The following CORO2A variants were observed in gnomAD, a reference collection of about 807,000 sequenced individuals.
CORO2A encodes the protein coronin 2A.
Under a neutral mutation model 62.4 loss-of-function variants are expected in CORO2A, and 47 were observed. The observed-to-expected ratio is 0.75, with a 90% confidence interval of 0.60 to 0.96. The LOEUF (loss-of-function observed/expected upper bound fraction) is 0.96. CORO2A is among the 40% of genes least tolerant of loss of function. CORO2A has a pLI of 0.00. For synonymous variants in CORO2A, 273 were observed against 268.9 expected (o/e 1.02, Z -0.15); for missense variants, 610 against 684.1 (o/e 0.89, Z 1.21).
intron 2 of CORO2A, among the ~76,000 whole-genome samples, chr9:98,150,308 G>A (rs1054440668): frequency 3.3e-5 from 5 of 151,948 alleles, no homozygotes; most frequent in Non-Finnish European, 7.4e-5. Flanking sequence ...GGCTTACGAC[G>A]CCTTCACAGT....
At chr9:98,150,467 T>G (rs1204243816) in intron 2 of CORO2A, among the ~76,000 whole-genome samples, 7 of 152,158 alleles carry the variant, frequency 4.6e-5, no homozygotes, top group African/African-American at 1.7e-4. Context: ...GCCAGCATAC[T>G]CTCCCTTTAG....
rs1554746148 is a variant in CORO2A, at chr9:98,163,768, G to GAGAGAGAA, written c.1-6116_1-6109dup. Among the ~76,000 whole-genome samples the GAGAGAGAA allele has an allele frequency of 8.9e-4, 131 of 147,044 alleles. 1 individual carries two copies. Among genetic ancestry groups the GAGAGAGAA allele is most frequent in the Middle Eastern group, 3.4e-3 (1 of 292 alleles). On this transcript the variant is annotated intron_variant, in intron 1 of 11. Coordinates refer to ENST00000375077, the MANE Select transcript of CORO2A (RefSeq NM_052820.4). ...AGAGAGAGAGAGAGAGAGAGAGAGA[G>GAGAGAGAA]AGAGAGAAAGAGACAGAGAGAGTTT...
chr9:98,145,497 C>T (rs1044557122), intron 2 of CORO2A, among the ~76,000 whole-genome samples: 5 of 152,156 alleles, frequency 3.3e-5, no homozygotes, highest in African/African-American at 1.2e-4. Flanking sequence ...CTAGCCCATA[C>T]CCTGCCTTTC....
Position 98,155,317 on chromosome 9 carries a change from C to A in CORO2A, c.201+2143G>T, listed in dbSNP as rs114589766. On this transcript the variant is annotated intron_variant, in intron 2 of 11. Coordinates refer to ENST00000375077, the MANE Select transcript of CORO2A (RefSeq NM_052820.4). The stretch of plus-strand genomic sequence containing the variant: ...AGCTCGCCTTTCCTTTTGCTATTTT[C>A]TTTAAGGGAAATTTTTATTGCTCAA... 9.1e-3 allele frequency among the ~76,000 whole-genome samples: 1,260 copies of A among 138,996 alleles called. 16 individuals carry two copies. Among genetic ancestry groups the A allele is most frequent in the African/African-American group, 0.03 (1,147 of 37,714 alleles). 91.2% of individuals were successfully genotyped at this position (138,996 alleles called of 152,430 possible).
At position 98,121,064 on chromosome 9, in the gene CORO2A, CATT is replaced by C. The variant is rs954760206; in HGVS notation, c.*3707_*3709del. On this transcript the variant is annotated 3_prime_UTR_variant, in exon 12 of 12. Coordinates refer to ENST00000375077, the MANE Select transcript of CORO2A (RefSeq NM_052820.4). ...ATTTATTTTCACTTTTATTTATTAT[CATT>C]ATTTTTCACAAAGGTACAAGGAATT... 7.2e-5 allele frequency: 11 copies of C among 152,138 alleles called. No homozygotes were observed. Among genetic ancestry groups the C allele is most frequent in the African/African-American group, 2.4e-4 (10 of 41,430 alleles). The allele number at this position is 152,138 out of a possible 1,614,324, so 9.4% of individuals were successfully genotyped here.
At chr9:98,129,693 G>A (rs965730183) in intron 8 of CORO2A, 101 bp downstream of exon 8, 16 of 859,504 alleles carry the variant, frequency 1.9e-5, no homozygotes, top group Admixed American at 7.0e-5. Flanking sequence ...ACTCATCCCT[G>A]TCTCCCCAGA....
intron 2 of CORO2A, among the ~76,000 whole-genome samples, chr9:98,151,433 C>T (rs892778821): frequency 2.0e-5 from 3 of 152,102 alleles, no homozygotes; most frequent in Admixed American, 2.0e-4. Flanking sequence ...GGTATCCAAT[C>T]TTCTTTTATT....
At chr9:98,143,410 G>C (rs1373511116) in intron 2 of CORO2A, among the ~76,000 whole-genome samples, 1 of 152,206 alleles carries the variant, frequency 6.6e-6, no homozygotes, top group African/African-American at 2.4e-5. Flanking sequence ...TCAGGGTGGA[G>C]ACTGGGAGGC....
chr9:98,177,467 T>TTG (rs1554747640), intron 1 of CORO2A, among the ~76,000 whole-genome samples: 2 of 136,452 alleles, frequency 1.5e-5, no homozygotes, highest in African/African-American at 6.0e-5. Context: ...GTTTTTTTTT[T>TTG]TTTTTTTTTT....
In CORO2A at chr9:98,159,090, C is replaced by G. The variant is rs369308454; in HGVS notation, c.1-1430G>C. Reference sequence around the variant, plus strand: ...TATTATTATTTTTGAGGAAGGATCTCGCTCTGTCACCCAGGCTGGAGTGCA... The same window carrying G: ...TATTATTATTTTTGAGGAAGGATCTGGCTCTGTCACCCAGGCTGGAGTGCA... On this transcript the variant is annotated intron_variant, in intron 1 of 11. Coordinates refer to ENST00000375077, the MANE Select transcript of CORO2A (RefSeq NM_052820.4). Among the ~76,000 whole-genome samples, 31 of 147,032 alleles carry G rather than the reference C, an allele frequency of 2.1e-4. No individual in the cohort carries two copies. The South Asian group carries it at 6.5e-3, about 31-fold the overall frequency.
intron 2 of CORO2A, among the ~76,000 whole-genome samples, chr9:98,148,646 C>G (rs7848016): frequency 6.6e-6 from 1 of 151,836 alleles, no homozygotes; most frequent in African/African-American, 2.4e-5. Context: ...CAGGAGGCTG[C>G]CGTAAGAGGA....
chr9:98,139,814 G>C (rs758991094), intron 2 of CORO2A, among the ~76,000 whole-genome samples: 1 of 152,090 alleles, frequency 6.6e-6, no homozygotes, highest in South Asian at 2.1e-4. Flanking sequence ...AACAAAACAC[G>C]GTGAATTTTC....
At chr9:98,126,472 C>T (rs903117228) in intron 11 of CORO2A, 77 bp downstream of exon 11, 37 of 1,531,498 alleles carry the variant, frequency 2.4e-5, no homozygotes, top group Non-Finnish European at 2.9e-5. Flanking sequence ...TCATTTTCTC[C>T]CTTCTTCTCA....
chr9:98,156,294 C>G (rs1827802089), intron 2 of CORO2A, among the ~76,000 whole-genome samples: 1 of 152,154 alleles, frequency 6.6e-6, no homozygotes, highest in Non-Finnish European at 1.5e-5. Context: ...CTGGCCTTGG[C>G]CTTCCAAAGT....
chr9:98,131,703 G>A (rs1827411641), intron 6 of CORO2A, among the ~76,000 whole-genome samples: 1 of 152,066 alleles, frequency 6.6e-6, no homozygotes, highest in Non-Finnish European at 1.5e-5. Flanking sequence ...GATGAAGAAG[G>A]AGACTCAGAG....
At chr9:98,154,352 T>TATATATATATATATATATAGATAC (rs71369555) in intron 2 of CORO2A, among the ~76,000 whole-genome samples, 1 of 94,060 alleles carries the variant, frequency 1.1e-5, no homozygotes, top group African/African-American at 3.7e-5. Context: ...TATATATATA[T>TATATATATATATATATATAGATAC]ACACAAATAC....
chr9:98,161,816 C>A (rs1464633343), intron 1 of CORO2A, among the ~76,000 whole-genome samples: 6 of 152,066 alleles, frequency 3.9e-5, no homozygotes, highest in African/African-American at 1.4e-4. Context: ...TCGACATGAG[C>A]TTACATTAAC....
chr9:98,170,978 T>C (rs1828026565), intron 1 of CORO2A, among the ~76,000 whole-genome samples: 1 of 152,212 alleles, frequency 6.6e-6, no homozygotes, highest in Non-Finnish European at 1.5e-5. Flanking sequence ...CTGGACCTTC[T>C]GGAGACAGAG....
chr9:98,175,008 G>A (rs1828090174), intron 1 of CORO2A, among the ~76,000 whole-genome samples: 1 of 152,054 alleles, frequency 6.6e-6, no homozygotes, highest in Non-Finnish European at 1.5e-5. Context: ...CAGCACTTAG[G>A]TATCAGCCCA....
Sources: allele counts gnomAD v4.1 joint callset (sites outside exome capture counted in the v4.1 genomes callset), GRCh38; gene constraint gnomAD v4.1.1; transcripts MANE v1.5; gene names NCBI Gene and HGNC (gene_info 2026-07-23, HGNC 2026-07-21).